The following RNF111 variants were observed in gnomAD, a reference collection of about 807,000 sequenced individuals.
RNF111 encodes E3 ubiquitin-protein ligase Arkadia.
RNF111 carries 17 observed loss-of-function variants against 95.1 expected under a neutral mutation model. The observed-to-expected ratio is 0.18, with a 90% CI of 0.12 to 0.27. RNF111 has a LOEUF of 0.27. Among genes scored for constraint, RNF111 ranks in the 10% least tolerant of loss-of-function variants. RNF111 has a pLI of 1.00. For missense variants in RNF111, 1,189 were observed against 1,210.4 expected, an observed-to-expected ratio of 0.98 and a Z score of 0.26; for synonymous variants, 440 against 414.8, an observed-to-expected ratio of 1.06 and a Z score of -0.74.
At chr15:59,057,527 G>T (rs2042247742) in intron 4 of RNF111, among the ~76,000 whole-genome samples, 2 of 152,096 alleles carry the variant, frequency 1.3e-5, no homozygotes, top group Admixed American at 6.6e-5. Flanking sequence ...GCTTTGGATG[G>T]ATTTATTCCT....
intron 10 of RNF111, among the ~76,000 whole-genome samples, chr15:59,086,078 G>GT (rs2140208444): frequency 6.6e-6 from 1 of 152,056 alleles, no homozygotes; most frequent in Admixed American, 6.5e-5. Flanking sequence ...TTATTTTGCC[G>GT]TAAGTGGTAA....
At chr15:58,989,972 G>T (rs1199257063) in intron 1 of RNF111, among the ~76,000 whole-genome samples, 1 of 151,676 alleles carries the variant, frequency 6.6e-6, no homozygotes, top group African/African-American at 2.4e-5. Flanking sequence ...CCCCTTTTGG[G>T]CCAAGACTTC....
At chr15:59,011,938 C>G (rs1652974023) in intron 1 of RNF111, among the ~76,000 whole-genome samples, 2 of 150,046 alleles carry the variant, frequency 1.3e-5, no homozygotes, top group African/African-American at 4.9e-5. Context: ...AAAGTTGGGA[C>G]CAAAGATTCC....
chr15:59,046,690 C>G (rs1211635178), intron 2 of RNF111, among the ~76,000 whole-genome samples: 6 of 151,994 alleles, frequency 3.9e-5, no homozygotes, highest in Non-Finnish European at 5.9e-5. Flanking sequence ...AATATGTCAC[C>G]AAAATCACAA....
At chr15:59,013,409 TC>T (rs1488997911) in intron 1 of RNF111, among the ~76,000 whole-genome samples, 1 of 152,238 alleles carries the variant, frequency 6.6e-6, no homozygotes, top group African/African-American at 2.4e-5. Context: ...CCTTATTTTT[TC>T]TAACAGTTTT....
At chr15:59,088,862 G>C (rs1046639886) in intron 10 of RNF111, among the ~76,000 whole-genome samples, 6 of 152,150 alleles carry the variant, frequency 3.9e-5, no homozygotes, top group African/African-American at 1.4e-4. Context: ...TCTCCATAAG[G>C]TGTATGACAG....
chr15:58,991,504 G>C (rs2038815493), intron 1 of RNF111, among the ~76,000 whole-genome samples: 1 of 152,182 alleles, frequency 6.6e-6, no homozygotes, highest in Admixed American at 6.5e-5. Context: ...GTAGTGGTAA[G>C]TGCCATGAGG....
chr15:59,044,682 T>C (rs1244009278), intron 2 of RNF111, among the ~76,000 whole-genome samples: 1 of 152,222 alleles, frequency 6.6e-6, no homozygotes, highest in Non-Finnish European at 1.5e-5. Flanking sequence ...CCATACTCGT[T>C]TTTTATCCTT....
intron 2 of RNF111, 136 bp from the exon 3 acceptor site, chr15:59,052,169 T>C (rs1566912859): frequency 2.7e-6 from 2 of 749,446 alleles, no homozygotes; most frequent in Admixed American, 2.9e-5. Context: ...GTGTATTTTT[T>C]TAAAAAACCT....
rs2040898328 is a variant in RNF111, at chr15:59,031,388, C to T, written c.566C>T (p.Thr189Ile). 6.2e-7 allele frequency: 1 copy of T among 1,614,048 alleles called. No homozygotes were observed. Among genetic ancestry groups the T allele is most frequent in the Non-Finnish European group, 8.5e-7 (1 of 1,180,036 alleles). Residue 189 changes from threonine (T) to isoleucine (I), a missense_variant, in exon 2 of 14, where the codon ACA becomes ATA. Coordinates refer to ENST00000348370, the MANE Select transcript of RNF111 (RefSeq NM_017610.8). Reference protein sequence around the residue: ...ARSHKWPRTETESVSGLLMKR... With the variant: ...ARSHKWPRTEIESVSGLLMKR... ...TCTCATAAGTGGCCTCGGACTGAGA[C>T]AGAATCTGTATCGGGATTGTTAATG...
intron 1 of RNF111, among the ~76,000 whole-genome samples, chr15:59,017,979 G>C (rs562395707): frequency 4.6e-5 from 7 of 151,824 alleles, no homozygotes; most frequent in African/African-American, 1.7e-4. Flanking sequence ...GGCTGGTCTC[G>C]AACTCCTGAC....
At chr15:59,069,813 C>A (rs1317007083) in intron 6 of RNF111, among the ~76,000 whole-genome samples, 1 of 151,968 alleles carries the variant, frequency 6.6e-6, no homozygotes, top group African/African-American at 2.4e-5. Flanking sequence ...AGTAGAGGAG[C>A]AGAAGAAGCA....
intron 2 of RNF111, 123 bp downstream of exon 2, chr15:59,031,825 A>G: frequency 1.2e-6 from 1 of 850,826 alleles, no homozygotes; most frequent in Non-Finnish European, 1.8e-6. Flanking sequence ...TTTTATTTTT[A>G]AGTCATATAA....
intron 2 of RNF111, among the ~76,000 whole-genome samples, chr15:59,039,230 C>G (rs1168763638): frequency 6.6e-6 from 1 of 152,178 alleles, no homozygotes; most frequent in Admixed American, 6.5e-5. Flanking sequence ...TCCCAAAGTG[C>G]TGGGATTACA....
chr15:59,039,421 C>T (rs1379095810), intron 2 of RNF111, among the ~76,000 whole-genome samples: 1 of 152,226 alleles, frequency 6.6e-6, no homozygotes, highest in African/African-American at 2.4e-5. Flanking sequence ...TTTACCACTT[C>T]TCAGAATGAC....
intron 7 of RNF111, among the ~76,000 whole-genome samples, chr15:59,078,309 G>A (rs143498832): frequency 1.8e-3 from 273 of 152,262 alleles, no homozygotes; most frequent in African/African-American, 6.4e-3. Context: ...TGGTCTTGAT[G>A]AAGTGATAAA....
intron 1 of RNF111, among the ~76,000 whole-genome samples, chr15:59,002,130 C>T (rs1254022513): frequency 1.3e-5 from 2 of 152,056 alleles, no homozygotes; most frequent in Admixed American, 6.6e-5. Context: ...ATTTTTGGAC[C>T]ATGGTTGACC....
intron 2 of RNF111, among the ~76,000 whole-genome samples, chr15:59,034,886 T>C (rs1409628461): frequency 6.6e-6 from 1 of 152,240 alleles, no homozygotes; most frequent in Non-Finnish European, 1.5e-5. Flanking sequence ...CTGGAACTTC[T>C]GGGACAACTT....
chr15:59,024,132 A>T (rs568386315), intron 1 of RNF111, among the ~76,000 whole-genome samples: 1 of 152,158 alleles, frequency 6.6e-6, no homozygotes, highest in African/African-American at 2.4e-5. Context: ...GAAATTGAGC[A>T]ATAGTAAATT....
Sources: allele counts gnomAD v4.1 joint callset (sites outside exome capture counted in the v4.1 genomes callset), GRCh38; gene constraint gnomAD v4.1.1; transcripts MANE v1.5; gene names NCBI Gene and HGNC (gene_info 2026-07-23, HGNC 2026-07-21).